BTF3L4: variants seen among roughly 807,000 people sequenced by gnomAD.
BTF3L4 encodes basic transcription factor 3 like 4.
In BTF3L4, 6 loss-of-function variants were observed where a neutral mutation model predicts 16.8. The ratio of observed to expected loss-of-function variants is 0.36; its 90% CI spans 0.20 to 0.71. The LOEUF is 0.71. BTF3L4 is among the 30% of genes least tolerant of loss of function. BTF3L4 has a pLI of 0.58. For synonymous variants in BTF3L4, 39 were observed against 59.8 expected (o/e 0.65, Z 1.60); for missense variants, 92 against 186.9 (o/e 0.49, Z 2.96).
chr1:52,060,207 C>T (rs1318957513), intron 2 of BTF3L4, among the ~76,000 whole-genome samples: 3 of 152,068 alleles, frequency 2.0e-5, no homozygotes, highest in African/African-American at 4.8e-5. Context: ...AGAAATAATC[C>T]TACATAAGGT....
At chr1:52,072,560 A>G (rs530534886) in intron 3 of BTF3L4, among the ~76,000 whole-genome samples, 4 of 152,274 alleles carry the variant, frequency 2.6e-5, no homozygotes, top group African/African-American at 9.6e-5. Context: ...TTTCATATGA[A>G]TAGAATCATG....
At chr1:52,070,361 T>C (rs1686756472) in intron 3 of BTF3L4, among the ~76,000 whole-genome samples, 1 of 151,248 alleles carries the variant, frequency 6.6e-6, no homozygotes, top group African/African-American at 2.4e-5. Context: ...TGATTTGGTA[T>C]AATAAATTAT....
chr1:52,076,961 C>T (rs901655395), intron 3 of BTF3L4, among the ~76,000 whole-genome samples: 1 of 152,054 alleles, frequency 6.6e-6, no homozygotes, highest in South Asian at 2.1e-4. Flanking sequence ...CACTTAGGGC[C>T]GAGAGTTCAA....
intron 2 of BTF3L4, among the ~76,000 whole-genome samples, chr1:52,063,850 A>AT (rs1486784475): frequency 6.6e-6 from 1 of 152,134 alleles, no homozygotes; most frequent in East Asian, 1.9e-4. Context: ...ACCCCTCACC[A>AT]TCTTCACTGC....
intron 3 of BTF3L4, among the ~76,000 whole-genome samples, chr1:52,076,794 C>CA (rs1371568298): frequency 6.6e-6 from 1 of 152,162 alleles, no homozygotes; most frequent in Non-Finnish European, 1.5e-5. Context: ...CCATTATCCT[C>CA]AAAATCTCAC....
At chr1:52,082,405 G>T (rs1643932913) in intron 3 of BTF3L4, among the ~76,000 whole-genome samples, 1 of 152,088 alleles carries the variant, frequency 6.6e-6, no homozygotes, top group African/African-American at 2.4e-5. Flanking sequence ...ACCTTTACAG[G>T]GGTTATTAAA....
chr1:52,072,411 C>T (rs1415353293), intron 3 of BTF3L4, among the ~76,000 whole-genome samples: 1 of 151,686 alleles, frequency 6.6e-6, no homozygotes, highest in Non-Finnish European at 1.5e-5. Flanking sequence ...AACATCACTA[C>T]TGTTCATCTC....
chr1:52,078,358 C>T (rs982183867), intron 3 of BTF3L4, among the ~76,000 whole-genome samples: 6 of 151,818 alleles, frequency 4.0e-5, no homozygotes, highest in Admixed American at 6.6e-5. Flanking sequence ...CCACCATGCC[C>T]AGCCATGATT....
chr1:52,074,723 G>T (rs1398930694), intron 3 of BTF3L4, among the ~76,000 whole-genome samples: 3 of 152,020 alleles, frequency 2.0e-5, no homozygotes, highest in African/African-American at 4.8e-5. Context: ...TGGCCAGGCT[G>T]GTCTTGAACT....
intron 4 of BTF3L4, among the ~76,000 whole-genome samples, chr1:52,083,893 G>A (rs964547320): frequency 2.0e-5 from 3 of 151,750 alleles, no homozygotes; most frequent in African/African-American, 4.8e-5. Context: ...GGTAGCAGGC[G>A]CCTATAATCC....
chr1:52,075,324 A>C (rs1236949112), intron 3 of BTF3L4, among the ~76,000 whole-genome samples: 1 of 150,718 alleles, frequency 6.6e-6, no homozygotes, highest in East Asian at 1.9e-4. Flanking sequence ...GAGGATCACG[A>C]GGTCTGGCCA....
At chr1:52,082,964 G>T (rs1390376156) in intron 3 of BTF3L4, among the ~76,000 whole-genome samples, 1 of 152,066 alleles carries the variant, frequency 6.6e-6, no homozygotes, top group African/African-American at 2.4e-5. Context: ...AGTGGAAATT[G>T]CACTGATTTT....
intron 3 of BTF3L4, among the ~76,000 whole-genome samples, chr1:52,068,788 C>T (rs1686715035): frequency 1.3e-5 from 2 of 152,144 alleles, no homozygotes; most frequent in Admixed American, 6.6e-5. Flanking sequence ...GAAAAGAAAT[C>T]CCCATCAGTA....
chr1:52,057,968 C>G (rs914325900), intron 1 of BTF3L4, among the ~76,000 whole-genome samples: 3 of 152,180 alleles, frequency 2.0e-5, no homozygotes, highest in African/African-American at 7.2e-5. Context: ...ATTGTTACTT[C>G]AAAATGCAGA....
rs769140948 is a variant in BTF3L4, at chr1:52,086,696, T to A, written c.431-16T>A. 31 of 1,524,128 alleles carry A rather than the reference T, an allele frequency of 2.0e-5. No homozygotes were observed. Among genetic ancestry groups the A allele is most frequent in the Non-Finnish European group, 1.2e-5 (13 of 1,109,604 alleles). 94.4% of individuals were successfully genotyped at this position (1,524,128 alleles called of 1,614,324 possible). ...TTTGTATTCTTTGATTCATATACTT[T>A]GTTTTTCTTTTTCAGATCTTGTAGA... On this transcript the variant is annotated splice_polypyrimidine_tract_variant and intron_variant, in intron 5 of 5. Transcript: ENST00000313334.
chr1:52,067,088 T>C (rs1490342939), intron 3 of BTF3L4, among the ~76,000 whole-genome samples: 1 of 151,772 alleles, frequency 6.6e-6, no homozygotes, highest in Non-Finnish European at 1.5e-5. Context: ...ATACAAAAAT[T>C]AGCCAGGCAT....
chr1:52,074,920 TAC>T (rs1189834873), intron 3 of BTF3L4, among the ~76,000 whole-genome samples: 6 of 151,842 alleles, frequency 4.0e-5, no homozygotes, highest in African/African-American at 1.5e-4. Context: ...CATGCCTGGC[TAC>T]TTTTTAGAAT....
At chr1:52,074,333 C>T (rs1427892527) in intron 3 of BTF3L4, among the ~76,000 whole-genome samples, 3 of 151,300 alleles carry the variant, frequency 2.0e-5, no homozygotes, top group East Asian at 3.9e-4. Context: ...AAGTAGTAGC[C>T]GGGATTACAG....
intron 3 of BTF3L4, among the ~76,000 whole-genome samples, chr1:52,066,609 C>T (rs1469639190): frequency 1.3e-5 from 2 of 151,034 alleles, no homozygotes; most frequent in African/African-American, 2.4e-5. Flanking sequence ...TTTGGGAGGC[C>T]GAGGCGGGTG....
Sources: allele counts gnomAD v4.1 joint callset (sites outside exome capture counted in the v4.1 genomes callset), GRCh38; gene constraint gnomAD v4.1.1; transcripts MANE v1.5; gene names NCBI Gene and HGNC (gene_info 2026-07-23, HGNC 2026-07-21).